Variants in TMSB15B observed in about 807,000 individuals in gnomAD.
TMSB15B encodes thymosin beta-15B.
At chrX:103,934,132 A>G (rs1426911823) in intron 1 of TMSB15B, among the ~76,000 whole-genome samples, 1 of 110,358 alleles carries the variant, frequency 9.1e-6, no homozygotes, top group African/African-American at 3.3e-5. Flanking sequence ...ATCTCTCTTC[A>G]TTCGCCCCTC....
intron 1 of TMSB15B, among the ~76,000 whole-genome samples, chrX:103,920,299 G>C (rs1214274350): frequency 1.8e-5 from 2 of 111,373 alleles, no homozygotes; most frequent in Non-Finnish European, 3.8e-5. Context: ...ATTTTGGAGA[G>C]CTTGTTATAA....
chrX:103,940,225 G>A (rs2075009118), intron 1 of TMSB15B, among the ~76,000 whole-genome samples: 1 of 112,348 alleles, frequency 8.9e-6, no homozygotes, highest in African/African-American at 3.2e-5. Flanking sequence ...CAGCAGGCAG[G>A]AATGTTAAAG....
chrX:103,927,682 A>G (rs5945861), intron 1 of TMSB15B, among the ~76,000 whole-genome samples: 35,696 of 87,091 alleles, frequency 0.41, 4,989 homozygotes, highest in Admixed American at 0.57. Context: ...TTTTTTTTTG[A>G]AACAGAATAG....
At chrX:103,974,263 C>CGT in the TMSB15B span, among the ~76,000 whole-genome samples, 3 of 1,713 alleles carry the variant, frequency 1.8e-3, no homozygotes, top group African/African-American at 1.9e-3. Flanking sequence ...CCTGTGTGTG[C>CGT]GTGTGTGTGT....
At position 103,943,352 on chromosome X, in the gene TMSB15B, T is replaced by C. The variant is rs1486201656; in HGVS notation, c.-720-18669T>C. The stretch of plus-strand genomic sequence containing the variant: ...CCCAGATTGTCATGCACATAGTAAG[T>C]GCTCAATAGATATTTGTAGAATGAA... On this transcript the variant is annotated intron_variant, in intron 1 of 3. Transcript: ENST00000419165. Among the ~76,000 whole-genome samples the C allele has an allele frequency of 8.9e-5, 10 of 112,041 alleles. No homozygotes were observed. The Admixed American group carries it at 9.4e-4, about 11-fold the overall frequency.
intron 1 of TMSB15B, among the ~76,000 whole-genome samples, chrX:103,945,899 T>C (rs782048421): frequency 1.8e-5 from 2 of 112,206 alleles, no homozygotes; most frequent in South Asian, 3.7e-4. Context: ...GCTAGGAAGA[T>C]AGCTAACAGA....
At chrX:103,956,037 G>T (rs12687857) in intron 1 of TMSB15B, among the ~76,000 whole-genome samples, 15,851 of 98,676 alleles carry the variant, frequency 0.16, 1,232 homozygotes, top group Non-Finnish European at 0.22. Flanking sequence ...TTCACATCCA[G>T]CCAAACTAAG....
intron 1 of TMSB15B, among the ~76,000 whole-genome samples, chrX:103,921,342 A>T (rs1251741434): frequency 1.8e-5 from 2 of 112,118 alleles, no homozygotes; most frequent in African/African-American, 6.5e-5. Flanking sequence ...GTCCCGTGAC[A>T]TCTGACTCTT....
chrX:103,950,738 A>C (rs1296057054), intron 1 of TMSB15B, among the ~76,000 whole-genome samples: 6 of 110,363 alleles, frequency 5.4e-5, no homozygotes, highest in Non-Finnish European at 7.6e-5. Context: ...CATATGATGA[A>C]TATTTGTGTG....
At chrX:103,921,257 G>T (rs2074951820) in intron 1 of TMSB15B, among the ~76,000 whole-genome samples, 1 of 111,943 alleles carries the variant, frequency 8.9e-6, no homozygotes, top group African/African-American at 3.2e-5. Flanking sequence ...AAGGCAGGTT[G>T]CTCACCTCGC....
At chrX:103,922,765 C>G (rs1176001987) in intron 1 of TMSB15B, among the ~76,000 whole-genome samples, 3 of 111,677 alleles carry the variant, frequency 2.7e-5, no homozygotes, top group African/African-American at 9.8e-5. Context: ...AGTTCTAGAT[C>G]CCTGAGGAAT....
intron 1 of TMSB15B, among the ~76,000 whole-genome samples, chrX:103,938,236 T>C (rs2075003659): frequency 8.9e-6 from 1 of 111,854 alleles, no homozygotes; most frequent in Non-Finnish European, 1.9e-5. Flanking sequence ...TTCTGTCTCG[T>C]TGATCTGTCT....
At chrX:103,944,361 A>C (rs1377705827) in intron 1 of TMSB15B, among the ~76,000 whole-genome samples, 1 of 112,305 alleles carries the variant, frequency 8.9e-6, no homozygotes, top group Non-Finnish European at 1.9e-5. Context: ...TTATTTGCCC[A>C]AGACTTCATA....
At chrX:103,955,350 A>C (rs1556328967) in intron 1 of TMSB15B, among the ~76,000 whole-genome samples, 1 of 110,990 alleles carries the variant, frequency 9.0e-6, no homozygotes, top group Non-Finnish European at 1.9e-5. Flanking sequence ...TCACTGAGCT[A>C]CAGGGGTACA....
intron 1 of TMSB15B, among the ~76,000 whole-genome samples, chrX:103,953,495 C>A (rs2075043899): frequency 8.9e-6 from 1 of 112,699 alleles, no homozygotes; most frequent in South Asian, 3.7e-4. Flanking sequence ...CCTGGAATTA[C>A]AGCTAGCCAC....
chrX:103,930,212 G>A (rs1318793865), intron 1 of TMSB15B, among the ~76,000 whole-genome samples: 4 of 111,261 alleles, frequency 3.6e-5, no homozygotes, highest in Admixed American at 1.9e-4. Context: ...CTTTCCCATG[G>A]CCATACTTTG....
chrX:103,928,171 C>T (rs1325349609), intron 1 of TMSB15B: 1 of 1,164,043 alleles, frequency 8.6e-7, no homozygotes. Flanking sequence ...GAAAGAAAAG[C>T]TGGCACTCCC....
chrX:103,928,560 C>T, intron 1 of TMSB15B: 1 of 1,182,147 alleles, frequency 8.5e-7, no homozygotes, highest in South Asian at 1.8e-5. Context: ...CCAGCACCTT[C>T]AGCATTCTTG....
At chrX:103,928,531 T>C (rs1484035035) in intron 1 of TMSB15B, 33 of 1,192,925 alleles carry the variant, frequency 2.8e-5, no homozygotes, top group South Asian at 3.5e-5. Flanking sequence ...CCAGGATGGT[T>C]GCAAGCAAGC....
Sources: gnomAD v4.1 joint callset for allele counts (sites outside exome capture counted in the v4.1 genomes callset) on GRCh38, gnomAD v4.1.1 for gene constraint, MANE v1.5 for transcripts, NCBI Gene and HGNC (gene_info 2026-07-23, HGNC 2026-07-21) for gene names.